The following SPIDR variants were observed in gnomAD, a reference collection of about 807,000 sequenced individuals.
SPIDR encodes the protein scaffold protein involved in DNA repair.
SPIDR carries 93 observed loss-of-function variants against 104.6 expected under a neutral mutation model. That is an observed-to-expected ratio of 0.89 (90% CI 0.75 to 1.06). SPIDR has a LOEUF of 1.06. Ranked by LOEUF, SPIDR falls within the 50% of genes least tolerant of loss-of-function variation. SPIDR has a pLI of 0.00. For synonymous variants in SPIDR, 431 were observed against 416.9 expected (o/e 1.03, Z -0.41); for missense variants, 1,154 against 1,111.2 (o/e 1.04, Z -0.55).
intron 7 of SPIDR, among the ~76,000 whole-genome samples, chr8:47,421,503 C>G (rs555589977): frequency 6.6e-6 from 1 of 152,256 alleles, no homozygotes; most frequent in Non-Finnish European, 1.5e-5. Context: ...TTCTAGTTAG[C>G]CATTCGTCTA....
chr8:47,363,722 G>C (rs1475523964), intron 5 of SPIDR, among the ~76,000 whole-genome samples: 2 of 151,856 alleles, frequency 1.3e-5, no homozygotes, highest in Non-Finnish European at 2.9e-5. Context: ...GCCATCCATA[G>C]AACTGAACTG....
intron 5 of SPIDR, among the ~76,000 whole-genome samples, chr8:47,347,344 G>T (rs1469692806): frequency 2.6e-5 from 4 of 152,158 alleles, no homozygotes; most frequent in Non-Finnish European, 5.9e-5. Flanking sequence ...TTTTACATTT[G>T]CTGCGGAGTG....
At chr8:47,558,046 G>A (rs146651594) in intron 8 of SPIDR, among the ~76,000 whole-genome samples, 49 of 152,236 alleles carry the variant, frequency 3.2e-4, no homozygotes, top group African/African-American at 9.1e-4. Flanking sequence ...GTGAATTAAC[G>A]CAGAAACACA....
chr8:47,356,124 G>C lies in SPIDR; in HGVS notation c.526-40252G>C, dbSNP rs1056967664. Among the ~76,000 whole-genome samples, 4 of 152,322 alleles carry C rather than the reference G, an allele frequency of 2.6e-5. No individual in the cohort carries two copies. The East Asian group carries it at 7.7e-4, about 29-fold the overall frequency. On this transcript the variant is annotated intron_variant, in intron 5 of 19. Coordinates refer to ENST00000297423, the MANE Select transcript of SPIDR (RefSeq NM_001080394.4). ...GGCAGGGACTAAAACTGGTGGCAAA[G>C]ACTTGTATGCTCATGAGCTAATGAT...
chr8:47,619,886 CG>C (rs888281678), intron 10 of SPIDR, among the ~76,000 whole-genome samples: 1 of 152,074 alleles, frequency 6.6e-6, no homozygotes, highest in African/African-American at 2.4e-5. Flanking sequence ...TTTCCCCCAC[CG>C]TGCTGCCTTT....
At chr8:47,457,347 C>T (rs544772859) in intron 8 of SPIDR, among the ~76,000 whole-genome samples, 2 of 152,190 alleles carry the variant, frequency 1.3e-5, no homozygotes, top group Admixed American at 6.6e-5. Context: ...CTTCCATTTC[C>T]GTGATCATTG....
chr8:47,372,613 G>A (rs1261102510), intron 5 of SPIDR, among the ~76,000 whole-genome samples: 3 of 151,934 alleles, frequency 2.0e-5, no homozygotes, highest in East Asian at 1.9e-4. Context: ...GTGACAGAGC[G>A]AGACTCCGTC....
chr8:47,658,043 A>G (rs2073213814), intron 10 of SPIDR, among the ~76,000 whole-genome samples: 3 of 149,646 alleles, frequency 2.0e-5, no homozygotes, highest in South Asian at 2.1e-4. Flanking sequence ...AAAAAAAAAA[A>G]AAAAAAGAAA....
intron 11 of SPIDR, among the ~76,000 whole-genome samples, chr8:47,678,291 G>C (rs1455192590): frequency 6.6e-6 from 1 of 152,146 alleles, no homozygotes; most frequent in Non-Finnish European, 1.5e-5. Flanking sequence ...AAGAGAAGAG[G>C]TCATAAACAC....
chr8:47,303,425 T>TA (rs1432501534), intron 5 of SPIDR, among the ~76,000 whole-genome samples: 1 of 152,162 alleles, frequency 6.6e-6, no homozygotes, highest in Non-Finnish European at 1.5e-5. Flanking sequence ...TGCTTCGGCT[T>TA]ACGCTGGGTG....
chr8:47,284,202 CTA>C, intron 3 of SPIDR, 108 bp downstream of exon 3: 1 of 774,362 alleles, frequency 1.3e-6, no homozygotes, highest in Non-Finnish European at 2.0e-6. Flanking sequence ...TTTGGGTAGA[CTA>C]TATTCATAGT....
rs1233672923 is a variant in SPIDR at position 47,674,157 on chromosome 8, T to C, written c.1685+216T>C. On this transcript the variant is annotated intron_variant, in intron 11 of 19. Transcript: ENST00000297423. ...AAAAGAATTAGGCAGATTTCATGAT[T>C]CATAATTTTATTAAAAGAAGATTAA... Among the ~76,000 whole-genome samples, 4 of 152,340 alleles carry C rather than the reference T, an allele frequency of 2.6e-5. No homozygotes were observed. The East Asian group carries it at 7.7e-4, about 29-fold the overall frequency.
chr8:47,468,308 C>G (rs2075205843), intron 8 of SPIDR, among the ~76,000 whole-genome samples: 1 of 152,162 alleles, frequency 6.6e-6, no homozygotes, highest in African/African-American at 2.4e-5. Flanking sequence ...AATACTATTC[C>G]TATCAAACTA....
At chr8:47,705,002 T>C (rs1342950709) in intron 14 of SPIDR, among the ~76,000 whole-genome samples, 1 of 152,218 alleles carries the variant, frequency 6.6e-6, no homozygotes, top group East Asian at 1.9e-4. Context: ...GGCCAGGCGG[T>C]GGCTCTCTGT....
At chr8:47,421,036 C>G (rs567594654) in intron 7 of SPIDR, among the ~76,000 whole-genome samples, 5 of 152,314 alleles carry the variant, frequency 3.3e-5, no homozygotes, top group African/African-American at 7.2e-5. Context: ...TCTGGCTGCC[C>G]TTAACATTTT....
intron 5 of SPIDR, among the ~76,000 whole-genome samples, chr8:47,302,766 G>A (rs587626777): frequency 5.1e-4 from 77 of 152,276 alleles, no homozygotes; most frequent in Middle Eastern, 3.4e-3. Context: ...AGCCAATATT[G>A]GTTTATACCA....
chr8:47,310,780 A>G (rs587672638), intron 5 of SPIDR, among the ~76,000 whole-genome samples: 40 of 152,294 alleles, frequency 2.6e-4, no homozygotes, highest in African/African-American at 9.6e-4. Flanking sequence ...ATAACTAAAG[A>G]TATTTCATTT....
Position 47,481,654 on chromosome 8 carries a change from A to G in SPIDR, c.1097+41112A>G, listed in dbSNP as rs928649911. On this transcript the variant is annotated intron_variant, in intron 8 of 19. Coordinates refer to ENST00000297423, the MANE Select transcript of SPIDR (RefSeq NM_001080394.4). ...TGTGTTCAATGTGTATTTAATGACT[A>G]TGGACAGAATGAATACAAAGGAAAA... is the stretch of plus-strand genomic sequence containing the variant. 1.3e-5 allele frequency among the ~76,000 whole-genome samples: 2 copies of G among 152,292 alleles called. 1 individual carries two copies. The highest frequency in any genetic ancestry group is 4.1e-4 in the South Asian group (2 of 4,822).
intron 8 of SPIDR, among the ~76,000 whole-genome samples, chr8:47,454,026 G>A (rs1554708113): frequency 6.6e-6 from 1 of 152,228 alleles, no homozygotes; most frequent in South Asian, 2.1e-4. Flanking sequence ...TACAGCATTG[G>A]TGGGACTGTA....
Sources: allele counts gnomAD v4.1 joint callset (sites outside exome capture counted in the v4.1 genomes callset), GRCh38; gene constraint gnomAD v4.1.1; transcripts MANE v1.5; gene names NCBI Gene and HGNC (gene_info 2026-07-23, HGNC 2026-07-21).